Variants in FAM135A observed in about 807,000 individuals in gnomAD.
The protein encoded by FAM135A is protein FAM135A.
Under a neutral mutation model 146.8 loss-of-function variants are expected in FAM135A, and 79 were observed. That is an observed-to-expected ratio of 0.54 (90% confidence interval 0.45 to 0.65). FAM135A has a LOEUF of 0.65. FAM135A is among the 30% of genes least tolerant of loss of function. The probability of loss-of-function intolerance (pLI) is 0.00; values close to 1 mark genes in which losing one functional copy is unlikely to be tolerated. For synonymous variants in FAM135A, 562 were observed against 603.6 expected (o/e 0.93, Z 1.01); for missense variants, 1,623 against 1,758.2 (o/e 0.92, Z 1.38).
chr6:70,454,535 T>C (rs1777870342), intron 5 of FAM135A, among the ~76,000 whole-genome samples: 1 of 152,196 alleles, frequency 6.6e-6, no homozygotes, highest in African/African-American at 2.4e-5. Context: ...ATTTGTATGG[T>C]TTTAGATATA....
intron 20 of FAM135A, among the ~76,000 whole-genome samples, chr6:70,553,672 AC>A (rs1800275794): frequency 6.6e-6 from 1 of 151,418 alleles, no homozygotes; most frequent in Non-Finnish European, 1.5e-5. Flanking sequence ...AATTTTCTAA[AC>A]GTTACAATGA....
At chr6:70,434,140 A>G (rs959728742) in intron 4 of FAM135A, among the ~76,000 whole-genome samples, 2 of 152,216 alleles carry the variant, frequency 1.3e-5, no homozygotes, top group Admixed American at 6.5e-5. Context: ...TTACAAGATA[A>G]TAGACTTCCC....
intron 2 of FAM135A, among the ~76,000 whole-genome samples, chr6:70,417,301 C>T (rs1460784675): frequency 6.7e-6 from 1 of 150,262 alleles, no homozygotes; most frequent in Non-Finnish European, 1.5e-5. Context: ...ATTGCCTCTA[C>T]CTCCCGGATT....
intron 5 of FAM135A, among the ~76,000 whole-genome samples, chr6:70,472,797 C>T (rs1009155092): frequency 2.0e-5 from 3 of 152,168 alleles, no homozygotes; most frequent in African/African-American, 7.2e-5. Context: ...CATGGGTTTA[C>T]AATTTCGTCA....
intron 12 of FAM135A, among the ~76,000 whole-genome samples, chr6:70,507,260 G>T (rs1352947680): frequency 6.6e-6 from 1 of 152,116 alleles, no homozygotes; most frequent in Non-Finnish European, 1.5e-5. Flanking sequence ...CTGTGGACAT[G>T]GTAGCATACT....
At chr6:70,554,619 TG>T (rs1554173673) in intron 20 of FAM135A, among the ~76,000 whole-genome samples, 11 of 152,150 alleles carry the variant, frequency 7.2e-5, no homozygotes, top group African/African-American at 2.7e-4. Context: ...TATTTGGTTT[TG>T]GGGGGTTTTT....
At chr6:70,552,014 T>C (rs946599858) in intron 20 of FAM135A, among the ~76,000 whole-genome samples, 1 of 152,208 alleles carries the variant, frequency 6.6e-6, no homozygotes, top group African/African-American at 2.4e-5. Context: ...GTTACCACCT[T>C]CAATTTGTAA....
At chr6:70,457,890 T>C (rs942152955) in intron 5 of FAM135A, among the ~76,000 whole-genome samples, 2 of 152,132 alleles carry the variant, frequency 1.3e-5, no homozygotes, top group Non-Finnish European at 2.9e-5. Context: ...TTCTTAGTTA[T>C]GTCTAGATTT....
At chr6:70,517,088 CAT>C (rs1361929203) in intron 12 of FAM135A, among the ~76,000 whole-genome samples, 4 of 152,152 alleles carry the variant, frequency 2.6e-5, no homozygotes, top group African/African-American at 4.8e-5. Flanking sequence ...TTTCTGGGAA[CAT>C]ATTGCTTATT....
chr6:70,552,614 G>A (rs1018678632), intron 20 of FAM135A, among the ~76,000 whole-genome samples: 2 of 151,914 alleles, frequency 1.3e-5, no homozygotes, highest in African/African-American at 4.8e-5. Context: ...GATTACAGGT[G>A]CCTGCCACCG....
At chr6:70,486,359 A>G (rs757478451) in intron 10 of FAM135A, 28 of 848,326 alleles carry the variant, frequency 3.3e-5, no homozygotes, top group Non-Finnish European at 5.1e-5. Flanking sequence ...GTATGTTTCC[A>G]CCATTCTGAA....
intron 12 of FAM135A, among the ~76,000 whole-genome samples, chr6:70,513,745 A>G (rs965772397): frequency 1.3e-5 from 2 of 152,102 alleles, no homozygotes; most frequent in African/African-American, 4.8e-5. Flanking sequence ...AGAGTATTCT[A>G]TAAATCTCAA....
chr6:70,477,762 A>AT (rs1268204427), intron 8 of FAM135A, among the ~76,000 whole-genome samples: 2 of 152,128 alleles, frequency 1.3e-5, no homozygotes, highest in Admixed American at 6.6e-5. Context: ...TTAATGTAGC[A>AT]TTTTTTTATT....
intron 4 of FAM135A, among the ~76,000 whole-genome samples, chr6:70,430,270 T>C (rs919793804): frequency 2.6e-5 from 4 of 151,346 alleles, no homozygotes; most frequent in African/African-American, 9.7e-5. Flanking sequence ...CCAGGAGACG[T>C]AGGTTTCAGT....
intron 16 of FAM135A, among the ~76,000 whole-genome samples, chr6:70,531,022 A>G (rs1795705678): frequency 6.6e-6 from 1 of 152,234 alleles, no homozygotes; most frequent in Non-Finnish European, 1.5e-5. Flanking sequence ...GAACCAAATC[A>G]GGACTGTAAG....
At chr6:70,490,164 A>G (rs1785598270) in intron 10 of FAM135A, among the ~76,000 whole-genome samples, 1 of 152,168 alleles carries the variant, frequency 6.6e-6, no homozygotes, top group Non-Finnish European at 1.5e-5. Flanking sequence ...ATGTTATAGA[A>G]TGTGTTCTTG....
At chr6:70,449,226 T>C (rs997952718) in intron 4 of FAM135A, among the ~76,000 whole-genome samples, 1 of 152,214 alleles carries the variant, frequency 6.6e-6, no homozygotes, top group Non-Finnish European at 1.5e-5. Flanking sequence ...AACGTATTTA[T>C]CACCTCACCT....
At chr6:70,500,507 C>T (rs1030876491) in intron 11 of FAM135A, among the ~76,000 whole-genome samples, 3 of 152,170 alleles carry the variant, frequency 2.0e-5, no homozygotes, top group Non-Finnish European at 2.9e-5. Flanking sequence ...CACTCTCCGT[C>T]CAGTTTTGTG....
chr6:70,442,100 T>C (rs1384590049), intron 4 of FAM135A, among the ~76,000 whole-genome samples: 4 of 152,208 alleles, frequency 2.6e-5, no homozygotes, highest in Non-Finnish European at 4.4e-5. Context: ...TTTTTACTTA[T>C]AGCGAAAATC....
Sources: allele counts gnomAD v4.1 joint callset (sites outside exome capture counted in the v4.1 genomes callset), GRCh38; gene constraint gnomAD v4.1.1; transcripts MANE v1.5; gene names NCBI Gene and HGNC (gene_info 2026-07-23, HGNC 2026-07-21).